The following FBXL17 variants were observed in gnomAD, a reference collection of about 807,000 sequenced individuals.
The protein encoded by FBXL17 is F-box and leucine rich repeat protein 17, also known as F-box/LRR-repeat protein 17.
A neutral mutation model predicts 66.2 loss-of-function variants in FBXL17; 22 were observed. That is an observed-to-expected ratio of 0.33 (90% CI 0.24 to 0.47). The LOEUF (loss-of-function observed/expected upper bound fraction) is 0.47, where lower values mean the gene tolerates loss of function less well. Among genes scored for constraint, FBXL17 ranks in the 20% least tolerant of loss-of-function variants. The pLI is 1.00. For synonymous variants in FBXL17, 474 were observed against 400.5 expected, an observed-to-expected ratio of 1.18 and a Z score of -2.19; for missense variants, 878 against 948.2, an observed-to-expected ratio of 0.93 and a Z score of 0.97.
intron 7 of FBXL17, among the ~76,000 whole-genome samples, chr5:107,928,968 T>C (rs114858079): frequency 0.015 from 2,291 of 152,322 alleles, 34 homozygotes; most frequent in Non-Finnish European, 0.023. Context: ...AACAATCTTC[T>C]TGTGCAGGAG....
chr5:108,242,349 T>TTTGTTG (rs70996988), intron 4 of FBXL17, among the ~76,000 whole-genome samples: 7,867 of 146,862 alleles, frequency 0.054, 243 homozygotes, highest in Middle Eastern at 0.069. Flanking sequence ...GCCTGGCTAG[T>TTTGTTG]TTGTTGTTGT....
intron 4 of FBXL17, among the ~76,000 whole-genome samples, chr5:108,326,709 G>A (rs1239007612): frequency 2.6e-5 from 4 of 151,978 alleles, no homozygotes; most frequent in Non-Finnish European, 4.4e-5. Flanking sequence ...TAGACACAGG[G>A]CTAACCAAAT....
intron 6 of FBXL17, among the ~76,000 whole-genome samples, chr5:108,081,790 A>G (rs963169842): frequency 6.6e-6 from 1 of 152,128 alleles, no homozygotes; most frequent in African/African-American, 2.4e-5. Context: ...TTCAAATATT[A>G]TTCAAGCTTT....
chr5:108,006,964 A>G (rs1295478716), intron 7 of FBXL17, among the ~76,000 whole-genome samples: 2 of 152,222 alleles, frequency 1.3e-5, no homozygotes, highest in South Asian at 2.1e-4. Context: ...TTTTGAAGAC[A>G]TCAGGAGCGT....
chr5:107,944,163 A>T (rs1481308575), intron 7 of FBXL17, among the ~76,000 whole-genome samples: 1 of 152,084 alleles, frequency 6.6e-6, no homozygotes, highest in Non-Finnish European at 1.5e-5. Context: ...CCTTATTTCC[A>T]TATACTTTGT....
chr5:108,072,122 C>G (rs371980740), intron 6 of FBXL17, among the ~76,000 whole-genome samples: 18 of 152,224 alleles, frequency 1.2e-4, no homozygotes, highest in African/African-American at 4.1e-4. Context: ...CAAATGCATT[C>G]TGAGCACTGA....
chr5:108,055,280 G>GAAA (rs1000211060), intron 6 of FBXL17, among the ~76,000 whole-genome samples: 311 of 23,680 alleles, frequency 0.013, 15 homozygotes, highest in Non-Finnish European at 0.016. Context: ...AGAATTTTTA[G>GAAA]AAAAAAAAAA....
At chr5:107,881,218 G>C (rs1309387866) in intron 7 of FBXL17, 39 bp from the exon 8 acceptor site, 1 of 1,242,556 alleles carries the variant, frequency 8.0e-7, no homozygotes, top group Non-Finnish European at 1.1e-6. Flanking sequence ...AATGTTAGCA[G>C]TGTAAGGGAG....
At chr5:107,877,463 AT>A (rs745464384) in intron 8 of FBXL17, among the ~76,000 whole-genome samples, 2 of 152,170 alleles carry the variant, frequency 1.3e-5, no homozygotes, top group Non-Finnish European at 2.9e-5. Context: ...GCATTTTGTT[AT>A]TCTTACAATT....
At position 108,058,226 on chromosome 5, in the gene FBXL17, G is replaced by C. The variant is rs572155226; in HGVS notation, c.1746-37225C>G. Among the ~76,000 whole-genome samples, 3 of 152,318 alleles carry C rather than the reference G, an allele frequency of 2.0e-5. No homozygotes were observed. In the South Asian group the frequency reaches 6.2e-4, roughly 32 times the overall value. On this transcript the variant is annotated intron_variant, in intron 6 of 8. Coordinates refer to ENST00000542267, the MANE Select transcript of FBXL17 (RefSeq NM_001163315.3). Reference sequence around the variant, plus strand: ...TCTCTGTTTTACAACTGCAGAAACAGAGGTTCGGTTTGATAGTGGTCTGAT... The same window carrying C: ...TCTCTGTTTTACAACTGCAGAAACACAGGTTCGGTTTGATAGTGGTCTGAT...
intron 4 of FBXL17, among the ~76,000 whole-genome samples, chr5:108,254,928 G>A (rs1331008814): frequency 6.6e-6 from 1 of 152,148 alleles, no homozygotes; most frequent in East Asian, 1.9e-4. Flanking sequence ...ATGACACTAT[G>A]CAATCTGCAC....
chr5:107,865,860 A>C (rs1295200572), intron 8 of FBXL17, among the ~76,000 whole-genome samples: 1 of 152,206 alleles, frequency 6.6e-6, no homozygotes, highest in African/African-American at 2.4e-5. Flanking sequence ...CAGAAGTACA[A>C]ATTATGCTCA....
chr5:108,299,437 C>T, intron 4 of FBXL17: 1 of 947,618 alleles, frequency 1.1e-6, no homozygotes, highest in Non-Finnish European at 1.3e-6. Flanking sequence ...AAAACAAAGA[C>T]ACACTAGTTT....
intron 5 of FBXL17, among the ~76,000 whole-genome samples, chr5:108,212,434 C>G (rs1225604272): frequency 6.6e-6 from 1 of 152,164 alleles, no homozygotes; most frequent in Non-Finnish European, 1.5e-5. Flanking sequence ...GAATTTTCAG[C>G]CTTTTTGTGC....
chr5:108,085,028 G>A (rs913479175), intron 6 of FBXL17, among the ~76,000 whole-genome samples: 2 of 152,304 alleles, frequency 1.3e-5, no homozygotes, highest in East Asian at 1.9e-4. Flanking sequence ...TAAGCTCCCT[G>A]ATTCTTTCAC....
intron 6 of FBXL17, among the ~76,000 whole-genome samples, chr5:108,134,427 T>C (rs935946949): frequency 1.3e-5 from 2 of 152,212 alleles, no homozygotes; most frequent in Non-Finnish European, 2.9e-5. Flanking sequence ...GGGGACATAG[T>C]TGTATTTCTA....
At chr5:107,990,549 A>T (rs557917856) in intron 7 of FBXL17, among the ~76,000 whole-genome samples, 2 of 152,268 alleles carry the variant, frequency 1.3e-5, no homozygotes, top group African/African-American at 4.8e-5. Context: ...TAGTTTTCTT[A>T]TCTGTAAAAT....
intron 3 of FBXL17, among the ~76,000 whole-genome samples, chr5:108,349,980 C>T (rs1282633646): frequency 1.3e-5 from 2 of 152,174 alleles, no homozygotes; most frequent in Non-Finnish European, 2.9e-5. Context: ...TTTCATATAT[C>T]ACTGTTGCAG....
chr5:107,925,070 AC>A (rs1206004855), intron 7 of FBXL17, among the ~76,000 whole-genome samples: 1 of 152,234 alleles, frequency 6.6e-6, no homozygotes, highest in Non-Finnish European at 1.5e-5. Flanking sequence ...AACTAAAAAA[AC>A]AGATTGATTT....
Sources: allele counts gnomAD v4.1 joint callset (sites outside exome capture counted in the v4.1 genomes callset), GRCh38; gene constraint gnomAD v4.1.1; transcripts MANE v1.5; gene names NCBI Gene and HGNC (gene_info 2026-07-23, HGNC 2026-07-21).